The following LINGO2 variants were observed in gnomAD, a reference collection of about 807,000 sequenced individuals.
The protein encoded by LINGO2 is leucine-rich repeat and immunoglobulin-like domain-containing nogo receptor-interacting protein 2.
A neutral mutation model predicts 30.6 loss-of-function variants in LINGO2; 14 were observed. The observed-to-expected ratio is 0.46, with a 90% CI of 0.30 to 0.72. The LOEUF is 0.72. Among genes scored for constraint, LINGO2 ranks in the 30% least tolerant of loss-of-function variants. The pLI, the probability that LINGO2 is intolerant of heterozygous loss-of-function variation, is 0.07. For missense variants in LINGO2, 729 were observed against 751.7 expected, an observed-to-expected ratio of 0.97 and a Z score of 0.35; for synonymous variants, 317 against 288.5, an observed-to-expected ratio of 1.10 and a Z score of -1.00.
rs191903759 is a variant in LINGO2, at chr9:28,540,681, C to T, written c.-364-64656G>A. Among the ~76,000 whole-genome samples, 434 of 152,250 alleles carry T rather than the reference C, an allele frequency of 2.9e-3. 5 individuals carry two copies. Among genetic ancestry groups the T allele is most frequent in the African/African-American group, 9.9e-3 (412 of 41,540 alleles). ...TGTTTAATAAAGGAATGATCTTAGTCACTAGGACTTAGATATAAAAATGTA... is the reference window on the plus strand; with the variant it reads ...TGTTTAATAAAGGAATGATCTTAGTTACTAGGACTTAGATATAAAAATGTA... On this transcript the variant is annotated intron_variant, in intron 1 of 5. Transcript: ENST00000379992.
At chr9:27,950,634 A>C in exon 6 of LINGO2, 1 of 1,513,502 alleles carries the variant, frequency 6.6e-7, no homozygotes, top group African/African-American at 1.4e-5. Context: ...AGCCAGACCC[A>C]GGAATGGCTG....
chr9:28,506,702 T>C (rs559989136), intron 1 of LINGO2, among the ~76,000 whole-genome samples: 4 of 151,236 alleles, frequency 2.6e-5, no homozygotes, highest in Non-Finnish European at 4.4e-5. Flanking sequence ...TTCACTGATA[T>C]ATATCACACA....
intron 4 of LINGO2, among the ~76,000 whole-genome samples, chr9:28,235,908 T>C (rs72709313): frequency 0.011 from 1,735 of 151,920 alleles, 9 homozygotes; most frequent in Middle Eastern, 0.054. Context: ...AGGTAGAGAG[T>C]TTATTTAAAG....
chr9:28,320,139 T>A (rs146902134), intron 3 of LINGO2, among the ~76,000 whole-genome samples: 1 of 152,126 alleles, frequency 6.6e-6, no homozygotes, highest in Admixed American at 6.6e-5. Context: ...CAGTTTTGCA[T>A]TGGAAACATA....
At chr9:29,045,443 AT>A in the LINGO2 span, among the ~76,000 whole-genome samples, 1 of 152,156 alleles carries the variant, frequency 6.6e-6, no homozygotes, top group Non-Finnish European at 1.5e-5. Context: ...GAGCAAAAAA[AT>A]AATTAAAAGC....
At chr9:28,632,622 ATTTATATAT>A (rs1013127863) in intron 1 of LINGO2, among the ~76,000 whole-genome samples, 16 of 143,824 alleles carry the variant, frequency 1.1e-4, no homozygotes, top group African/African-American at 4.1e-4. Context: ...TTATCTATAT[ATTTATATAT>A]TTTTATATAT....
At chr9:28,689,158 T>C in the LINGO2 span, among the ~76,000 whole-genome samples, 1 of 152,194 alleles carries the variant, frequency 6.6e-6, no homozygotes, top group African/African-American at 2.4e-5. Context: ...TTAGGGAAGT[T>C]CACATGTCAA....
At chr9:27,939,089 C>T in the LINGO2 span, 2 of 152,274 alleles carry the variant, frequency 1.3e-5, no homozygotes, top group Admixed American at 6.5e-5. Context: ...GAAACCAACT[C>T]AAGATCAATA....
At chr9:28,420,753 C>T (rs1216147269) in intron 2 of LINGO2, among the ~76,000 whole-genome samples, 1 of 152,000 alleles carries the variant, frequency 6.6e-6, no homozygotes, top group African/African-American at 2.4e-5. Context: ...TCCTTTCTTT[C>T]TCTGTGTCAA....
At chr9:28,184,963 CAAAAA>C (rs200518473) in intron 4 of LINGO2, among the ~76,000 whole-genome samples, 10 of 150,964 alleles carry the variant, frequency 6.6e-5, no homozygotes, top group African/African-American at 2.4e-4. Context: ...CAAAACAAAA[CAAAAA>C]AAAATCTTCT....
intron 3 of LINGO2, among the ~76,000 whole-genome samples, chr9:28,349,480 C>A (rs1276792609): frequency 1.9e-5 from 2 of 107,556 alleles, no homozygotes; most frequent in Non-Finnish European, 3.7e-5. Flanking sequence ...GCAAAGCCTC[C>A]AAGAAATATG....
intron 1 of LINGO2, among the ~76,000 whole-genome samples, chr9:28,580,359 C>T (rs1824198478): frequency 6.6e-6 from 1 of 152,068 alleles, no homozygotes; most frequent in Non-Finnish European, 1.5e-5. Flanking sequence ...GGCCCCAGCA[C>T]AGTGGTTTTA....
At chr9:29,212,638 A>C in the LINGO2 span, among the ~76,000 whole-genome samples, 1 of 152,180 alleles carries the variant, frequency 6.6e-6, no homozygotes, top group African/African-American at 2.4e-5. Flanking sequence ...ACGAAAACCC[A>C]AAACCCAAAT....
chr9:28,517,796 T>C (rs1402717559), intron 1 of LINGO2, among the ~76,000 whole-genome samples: 1 of 152,188 alleles, frequency 6.6e-6, no homozygotes, highest in Admixed American at 6.5e-5. Context: ...AAATGTTTAC[T>C]CTACCCAGAA....
the LINGO2 span, among the ~76,000 whole-genome samples, chr9:28,738,916 G>A: frequency 1.3e-5 from 2 of 151,888 alleles, no homozygotes; most frequent in Non-Finnish European, 2.9e-5. Context: ...TTTCTTATGT[G>A]AAAAATAGAA....
At chr9:28,382,128 G>A (rs1821381526) in intron 2 of LINGO2, among the ~76,000 whole-genome samples, 1 of 151,992 alleles carries the variant, frequency 6.6e-6, no homozygotes, top group South Asian at 2.1e-4. Flanking sequence ...CTTGCCTCAA[G>A]GTTTGTTTTG....
the LINGO2 span, among the ~76,000 whole-genome samples, chr9:29,012,583 G>T: frequency 5.9e-5 from 9 of 151,820 alleles, no homozygotes; most frequent in African/African-American, 2.2e-4. Context: ...TCAACTAAAT[G>T]GTAAGTAATA....
intron 1 of LINGO2, among the ~76,000 whole-genome samples, chr9:28,521,260 C>T (rs553800809): frequency 6.6e-6 from 1 of 152,238 alleles, no homozygotes; most frequent in East Asian, 1.9e-4. Flanking sequence ...GCAGTAGAAA[C>T]ATCGTCTCTG....
At position 28,106,007 on chromosome 9, in the gene LINGO2, GCCT is replaced by G. The variant is rs1826580471; in HGVS notation, c.-86-93605_-86-93603del. On this transcript the variant is annotated intron_variant, in intron 4 of 5. Transcript: ENST00000379992. ...TAGCAAGCATTACCAACAGAGCTCT[GCCT>G]CCTGTCAGATCAGCAGCAGCATCAG... 6.6e-5 allele frequency among the ~76,000 whole-genome samples: 10 copies of G among 152,206 alleles called. 1 individual carries two copies. In the South Asian group the frequency reaches 2.1e-3, roughly 32 times the overall value.
Sources: gnomAD v4.1 joint callset for allele counts (sites outside exome capture counted in the v4.1 genomes callset) on GRCh38, gnomAD v4.1.1 for gene constraint, MANE v1.5 for transcripts, NCBI Gene and HGNC (gene_info 2026-07-23, HGNC 2026-07-21) for gene names.